The following OGFOD1 variants were observed in gnomAD, a reference collection of about 807,000 sequenced individuals.
OGFOD1 encodes prolyl 3-hydroxylase OGFOD1.
In OGFOD1, 54 loss-of-function variants were observed where a neutral mutation model predicts 67.7. The ratio of observed to expected loss-of-function variants is 0.80; its 90% CI spans 0.64 to 1.00. The LOEUF (loss-of-function observed/expected upper bound fraction) is 1.00, where lower values mean the gene tolerates loss of function less well. Among genes scored for constraint, OGFOD1 ranks in the 50% least tolerant of loss-of-function variants. OGFOD1 has a pLI of 0.00. For missense variants in OGFOD1, 606 were observed against 646.7 expected (o/e 0.94, Z 0.68); for synonymous variants, 221 against 227.0 (o/e 0.97, Z 0.24).
At chr16:56,464,012 CAGGA>C (rs1436106961) in intron 4 of OGFOD1, among the ~76,000 whole-genome samples, 1 of 152,120 alleles carries the variant, frequency 6.6e-6, no homozygotes, top group Non-Finnish European at 1.5e-5. Context: ...GGACCCAGTC[CAGGA>C]TTGCATGTTG....
rs1308105532 is a variant in OGFOD1, at chr16:56,467,305, T to C, written c.786+12T>C. ...ACATCCCACAAGATGTAAGAAGAATTGCTGATATCCTTATCTTAGGAGCTA... is the reference window on the plus strand; with the variant it reads ...ACATCCCACAAGATGTAAGAAGAATCGCTGATATCCTTATCTTAGGAGCTA... On this transcript the variant is annotated intron_variant, in intron 7 of 12. Coordinates refer to ENST00000566157, the MANE Select transcript of OGFOD1 (RefSeq NM_018233.4). 4.3e-6 allele frequency: 7 copies of C among 1,613,968 alleles called. No homozygotes were observed. In the African/African-American group the frequency reaches 6.7e-5, roughly 15 times the overall value.
chr16:56,453,994 T>G (rs1412844042), intron 2 of OGFOD1, among the ~76,000 whole-genome samples: 1 of 152,128 alleles, frequency 6.6e-6, no homozygotes, highest in African/African-American at 2.4e-5. Flanking sequence ...GTTAAGTACA[T>G]GTGGGTAAGT....
chr16:56,472,185 G>A (rs1349999716), intron 10 of OGFOD1, among the ~76,000 whole-genome samples: 1 of 151,770 alleles, frequency 6.6e-6, no homozygotes, highest in Non-Finnish European at 1.5e-5. Flanking sequence ...GCCCAGGCTG[G>A]TCTCAAACCC....
At chr16:56,455,105 T>C (rs1324351888) in intron 2 of OGFOD1, among the ~76,000 whole-genome samples, 1 of 152,200 alleles carries the variant, frequency 6.6e-6, no homozygotes, top group Admixed American at 6.5e-5. Flanking sequence ...CAGTGGCTCA[T>C]GCCTGTAATC....
chr16:56,474,713 T>G, intron 10 of OGFOD1, 115 bp from the exon 11 acceptor site: 1 of 734,264 alleles, frequency 1.4e-6, no homozygotes, highest in Non-Finnish European at 2.2e-6. Flanking sequence ...AATCAAAGGT[T>G]TGTGGGAATG....
chr16:56,456,363 G>A (rs1488869704), intron 2 of OGFOD1, among the ~76,000 whole-genome samples: 1 of 152,022 alleles, frequency 6.6e-6, no homozygotes, highest in Non-Finnish European at 1.5e-5. Context: ...GCTTCTATTG[G>A]GTCTCATGGC....
Position 56,476,829 on chromosome 16 carries a change from A to G in OGFOD1, c.*624A>G, listed in dbSNP as rs1963500279. ...GTTTCCAGTGTTTCGGTTTTTTTAG[A>G]AAAACTCATACGTGATTGCAGCCGG... On this transcript the variant is annotated 3_prime_UTR_variant, in exon 13 of 13. Transcript: ENST00000566157. 6.6e-6 allele frequency: 1 copy of G among 152,292 alleles called. No individual in the cohort carries two copies. Among genetic ancestry groups the G allele is most frequent in the African/African-American group, 2.4e-5 (1 of 41,456 alleles). The allele number at this position is 152,292 out of a possible 1,614,324, so 9.4% of individuals were successfully genotyped here. A position where few individuals can be genotyped will look rare whatever the true frequency, so the allele number is the denominator to read the frequency against.
intron 2 of OGFOD1, among the ~76,000 whole-genome samples, chr16:56,457,617 T>A (rs1962565952): frequency 6.6e-6 from 1 of 152,218 alleles, no homozygotes; most frequent in African/African-American, 2.4e-5. Context: ...TTCTTTTTTT[T>A]GCTTCAGAAA....
chr16:56,455,976 A>C (rs1308741977), intron 2 of OGFOD1, among the ~76,000 whole-genome samples: 3 of 152,172 alleles, frequency 2.0e-5, no homozygotes, highest in Non-Finnish European at 2.9e-5. Flanking sequence ...TTTTATTCTT[A>C]TAAGAGTTGT....
chr16:56,470,959 T>A (rs979509618), intron 10 of OGFOD1, among the ~76,000 whole-genome samples, 168 bp downstream of exon 10: 2 of 152,128 alleles, frequency 1.3e-5, no homozygotes, highest in African/African-American at 4.8e-5. Flanking sequence ...TACATTCTAG[T>A]AGAAGAAGAC....
chr16:56,470,384 C>A, intron 9 of OGFOD1, 103 bp from the exon 10 acceptor site: 1 of 1,126,204 alleles, frequency 8.9e-7, no homozygotes, highest in Non-Finnish European at 1.3e-6. Flanking sequence ...TAAGCTGTGC[C>A]AAGATTTAGG....
At chr16:56,458,492 T>C in intron 2 of OGFOD1, 56 bp from the exon 3 acceptor site, 1 of 1,501,240 alleles carries the variant, frequency 6.7e-7, no homozygotes, top group Non-Finnish European at 9.3e-7. Flanking sequence ...CTGCTCTCCT[T>C]TGTGTGTCTC....
At chr16:56,466,413 G>A (rs1488465240) in intron 5 of OGFOD1, 145 bp downstream of exon 5, 3 of 600,084 alleles carry the variant, frequency 5.0e-6, no homozygotes, top group Admixed American at 3.0e-5. Context: ...TACCTCAAGA[G>A]GAATAAATGC....
chr16:56,470,508 G>T lies in OGFOD1; in HGVS notation c.1002G>T (p.Glu334Asp). 6.2e-7 allele frequency: 1 copy of T among 1,612,374 alleles called. No individual in the cohort carries two copies. The highest frequency in any genetic ancestry group is 8.5e-7 in the Non-Finnish European group (1 of 1,179,372). The change falls in exon 10 of 13, where the codon GAG becomes GAT. Residue 334 changes from glutamate to aspartate, a missense_variant. Glu to Asp is a conservative substitution (Grantham distance 45, BLOSUM62 2). Transcript: ENST00000566157. The part of the protein sequence containing the change: ...PNKRFYEKAE[E>D]SKLPEILKEC... Reference sequence around the variant, plus strand: ...TCAGGTTTTATGAGAAAGCTGAGGAGAGTAAGCTTCCTGAGATATTGAAGG... The same window carrying T: ...TCAGGTTTTATGAGAAAGCTGAGGATAGTAAGCTTCCTGAGATATTGAAGG...
intron 2 of OGFOD1, among the ~76,000 whole-genome samples, chr16:56,455,430 A>G (rs1255171802): frequency 4.7e-5 from 7 of 147,408 alleles, no homozygotes; most frequent in African/African-American, 1.5e-4. Flanking sequence ...TGGGTGATTG[A>G]AAAAAAAAAA....
chr16:56,462,214 A>G (rs1406917373), intron 3 of OGFOD1, among the ~76,000 whole-genome samples: 4 of 152,358 alleles, frequency 2.6e-5, no homozygotes, highest in African/African-American at 9.6e-5. Flanking sequence ...TGTTATGACA[A>G]AGGCCAAACT....
At chr16:56,466,308 C>T (rs761030939) in intron 5 of OGFOD1, 40 bp downstream of exon 5, 1 of 1,285,022 alleles carries the variant, frequency 7.8e-7, no homozygotes, top group Non-Finnish European at 1.1e-6. Flanking sequence ...CCACCAGTGG[C>T]ACTTCTGAGT....
rs201192199 is a variant in OGFOD1 at position 56,474,875 on chromosome 16, G to A, written c.1333G>A (p.Gly445Ser). The A allele has an allele frequency of 6.4e-4, 1,030 of 1,613,152 alleles. 13 individuals are homozygous for A. The South Asian group carries it at 8.3e-3, about 13-fold the overall frequency. The change falls in exon 11 of 13, where the codon GGT becomes AGT. Residue 445 changes from glycine (G) to serine (S), a missense_variant. Transcript: ENST00000566157. ...CQGELRHWKT[G>S]HYTLIHDHSK... ...AGGGGAACTGAGGCATTGGAAGACCGGTCACTACACTTTAATTCATGACCA... is the reference window on the plus strand; with the variant it reads ...AGGGGAACTGAGGCATTGGAAGACCAGTCACTACACTTTAATTCATGACCA...
At chr16:56,463,291 A>G (rs1334379946) in intron 4 of OGFOD1, among the ~76,000 whole-genome samples, 1 of 150,648 alleles carries the variant, frequency 6.6e-6, no homozygotes, top group Non-Finnish European at 1.5e-5. Context: ...CTGGAAGTAT[A>G]GATGGCTCAC....
Sources: gnomAD v4.1 joint callset for allele counts (sites outside exome capture counted in the v4.1 genomes callset) on GRCh38, gnomAD v4.1.1 for gene constraint, MANE v1.5 for transcripts, NCBI Gene and HGNC (gene_info 2026-07-23, HGNC 2026-07-21) for gene names.